IL5: variants seen among roughly 807,000 people sequenced by gnomAD.
IL5 encodes interleukin 5.
A neutral mutation model predicts 16.3 loss-of-function variants in IL5; 12 were observed. That is an observed-to-expected ratio of 0.74 (90% CI 0.47 to 1.20). The LOEUF (loss-of-function observed/expected upper bound fraction) is 1.20. Ranked by LOEUF, IL5 falls within the 50% of genes most tolerant of loss-of-function variation. IL5 has a pLI of 0.00. For synonymous variants in IL5, 54 were observed against 56.6 expected (o/e 0.95, Z 0.21); for missense variants, 159 against 153.9 (o/e 1.03, Z -0.17).
upstream of IL5, among the ~76,000 whole-genome samples, chr5:132,545,397 A>T (rs551275989): frequency 6.6e-6 from 1 of 152,194 alleles, no homozygotes; most frequent in Non-Finnish European, 1.5e-5. Flanking sequence ...TCATGCTTGT[A>T]ATCCCAGCAC....
rs183865726 is a variant in IL5, at chr5:132,553,716, C to G, written c.42+2958G>C. Among the ~76,000 whole-genome samples, 301 of 151,908 alleles carry G rather than the reference C, an allele frequency of 2.0e-3. 1 individual carries two copies. Among genetic ancestry groups the G allele is most frequent in the African/African-American group, 5.6e-3 (232 of 41,444 alleles). ...CTTTGGGAGCCCGAGGCGGGCGGAT[C>G]GCGAGGTCAGGGGATAGAGACCATC... On this transcript the variant is annotated intron_variant, in intron 1 of 2. Transcript: ENST00000450655.
At chr5:132,556,725 C>T (rs927820442) in exon 1 of IL5, 16 of 1,243,526 alleles carry the variant, frequency 1.3e-5, no homozygotes, top group Admixed American at 3.3e-5. Context: ...TTCCAGGAGT[C>T]CCAGGATCAA....
At chr5:132,555,251 G>GACATT (rs1273148768) in intron 1 of IL5, among the ~76,000 whole-genome samples, 8 of 152,168 alleles carry the variant, frequency 5.3e-5, no homozygotes, top group African/African-American at 1.9e-4. Context: ...CTGCAACATG[G>GACATT]ATGAACCTTG....
At chr5:132,554,366 C>CAAA (rs70974050) in intron 1 of IL5, among the ~76,000 whole-genome samples, 6 of 80,974 alleles carry the variant, frequency 7.4e-5, no homozygotes, top group Non-Finnish European at 1.2e-4. Flanking sequence ...GACTCCATCT[C>CAAA]AAAAAAAAAA....
chr5:132,550,844 G>A (rs1749872673), intron 1 of IL5, among the ~76,000 whole-genome samples: 1 of 152,078 alleles, frequency 6.6e-6, no homozygotes, highest in Non-Finnish European at 1.5e-5. Context: ...TAAATATGCT[G>A]GTAAACCTAA....
chr5:132,546,756 TG>T (rs1201725961), upstream of IL5, among the ~76,000 whole-genome samples: 2 of 152,218 alleles, frequency 1.3e-5, no homozygotes, highest in African/African-American at 4.8e-5. Flanking sequence ...CCAGGCATGG[TG>T]GCTCACACCT....
intron 1 of IL5, among the ~76,000 whole-genome samples, chr5:132,549,212 C>T (rs936334600): frequency 4.6e-5 from 7 of 152,148 alleles, no homozygotes; most frequent in Non-Finnish European, 7.3e-5. Flanking sequence ...CCTGCCACCA[C>T]GCCCGGCTAA....
In IL5 at chr5:132,556,789, T is replaced by C. The variant is rs374459141; in HGVS notation, c.-74A>G. 3.5e-5 allele frequency: 42 copies of C among 1,199,976 alleles called. No individual in the cohort carries two copies. The South Asian group carries it at 6.8e-4, about 19-fold the overall frequency. The allele number at this position is 1,199,976 out of a possible 1,614,324, so 74.3% of individuals were successfully genotyped here. A position where few individuals can be genotyped will look rare whatever the true frequency, so the allele number is the denominator to read the frequency against. ...CTTGGTCTCCCCTTCCAAAAGTCAG[T>C]GCCTCTCCAGGCTGCCCATCCCCAG... On this transcript the variant is annotated 5_prime_UTR_variant, in exon 1 of 3. Coordinates refer to the IL5 transcript ENST00000450655.
chr5:132,556,701 C>G (rs554259549), exon 1 of IL5: 2,289 of 1,252,986 alleles, frequency 1.8e-3, no homozygotes, highest in Non-Finnish European at 2.1e-3. Flanking sequence ...CAATCCACCC[C>G]ACCACTACCC....
chr5:132,555,326 A>C (rs113498124), intron 1 of IL5, among the ~76,000 whole-genome samples: 2 of 152,312 alleles, frequency 1.3e-5, no homozygotes, highest in African/African-American at 4.8e-5. Flanking sequence ...CACTTATATG[A>C]GGTACTTAGT....
chr5:132,542,769 G>C (rs936496198), intron 2 of IL5, among the ~76,000 whole-genome samples: 1 of 152,108 alleles, frequency 6.6e-6, no homozygotes, highest in Admixed American at 6.5e-5. Context: ...TCAGAAACAC[G>C]TTAGAGTGAG....
In IL5 at chr5:132,543,266, T is replaced by C. The variant is rs1749728566; in HGVS notation, c.144+69A>G. On this transcript the variant is annotated intron_variant, in intron 1 of 3. Coordinates refer to ENST00000231454, the MANE Select transcript of IL5 (RefSeq NM_000879.3). ...ATTATTTATAACAGATCTCTATATA[T>C]AGTAAAGGAACCATCACAAATGATT... 8 of 1,461,352 alleles carry C rather than the reference T, an allele frequency of 5.5e-6. No homozygotes were observed. In the East Asian group the frequency reaches 1.8e-4, roughly 33 times the overall value. The allele number at this position is 1,461,352 out of a possible 1,614,324, so 90.5% of individuals were successfully genotyped here. A position where few individuals can be genotyped will look rare whatever the true frequency, so the allele number is the denominator to read the frequency against.
chr5:132,551,309 A>G (rs1749879476), intron 1 of IL5, among the ~76,000 whole-genome samples: 1 of 152,254 alleles, frequency 6.6e-6, no homozygotes, highest in Non-Finnish European at 1.5e-5. Context: ...CAAGAGATAC[A>G]CAATGCAAAA....
At chr5:132,542,186 G>A (rs1561620384) in intron 2 of IL5, 43 bp from the exon 3 acceptor site, 5 of 1,573,820 alleles carry the variant, frequency 3.2e-6, no homozygotes, top group East Asian at 4.5e-5. Context: ...TCAAGACAAG[G>A]TATAAAAATT....
chr5:132,554,490 G>T (rs528080631), intron 1 of IL5, among the ~76,000 whole-genome samples: 1 of 151,886 alleles, frequency 6.6e-6, no homozygotes, highest in African/African-American at 2.4e-5. Context: ...AAATTACAAT[G>T]AGGTATCACT....
intron 1 of IL5, among the ~76,000 whole-genome samples, chr5:132,551,967 A>C (rs893023675): frequency 6.6e-6 from 1 of 152,194 alleles, no homozygotes; most frequent in Non-Finnish European, 1.5e-5. Flanking sequence ...GAATTATGTT[A>C]GAAAGTATTG....
intron 1 of IL5, among the ~76,000 whole-genome samples, chr5:132,552,254 C>T (rs1056059945): frequency 6.6e-6 from 1 of 151,740 alleles, no homozygotes; most frequent in African/African-American, 2.4e-5. Context: ...GGCAACAGAG[C>T]GAGACTCTGT....
chr5:132,552,950 G>A (rs576340033), intron 1 of IL5, among the ~76,000 whole-genome samples: 50 of 152,044 alleles, frequency 3.3e-4, no homozygotes, highest in African/African-American at 8.2e-4. Context: ...TAGCCAGGAT[G>A]GTCTCAATCT....
At chr5:132,543,814 C>T (rs1749742262), upstream of IL5, 1 of 196,390 alleles carries the variant, frequency 5.1e-6, no homozygotes, top group African/African-American at 2.3e-5. Context: ...GTGTGCAAAA[C>T]AAAGTATAAG....
Sources: allele counts gnomAD v4.1 joint callset (sites outside exome capture counted in the v4.1 genomes callset), GRCh38; gene constraint gnomAD v4.1.1; transcripts MANE v1.5; gene names NCBI Gene and HGNC (gene_info 2026-07-23, HGNC 2026-07-21).